The following CSMD3 variants were observed in gnomAD, a reference collection of about 807,000 sequenced individuals.
The protein encoded by CSMD3 is CUB and Sushi multiple domains 3, also known as CUB and sushi domain-containing protein 3.
CSMD3 carries 177 observed loss-of-function variants against 435.2 expected under a neutral mutation model. The observed-to-expected ratio is 0.41, with a 90% confidence interval of 0.36 to 0.46. The LOEUF (loss-of-function observed/expected upper bound fraction) is 0.46, where lower values mean the gene tolerates loss of function less well. Ranked by LOEUF, CSMD3 falls within the 20% of genes least tolerant of loss-of-function variation. The probability of loss-of-function intolerance (pLI) is 0.34; values close to 1 mark genes in which losing one functional copy is unlikely to be tolerated. For synonymous variants in CSMD3, 1,656 were observed against 1,520.5 expected, an observed-to-expected ratio of 1.09 and a Z score of -2.07; for missense variants, 4,265 against 4,504.6, an observed-to-expected ratio of 0.95 and a Z score of 1.52.
chr8:113,235,854 G>A (rs1242850328), intron 3 of CSMD3, among the ~76,000 whole-genome samples: 2 of 138,506 alleles, frequency 1.4e-5, no homozygotes, highest in Non-Finnish European at 3.1e-5. Context: ...TTTTTGCAAG[G>A]TTAGTAACCC....
intron 5 of CSMD3, among the ~76,000 whole-genome samples, chr8:113,080,138 A>T (rs543983215): frequency 1.3e-5 from 2 of 152,242 alleles, no homozygotes; most frequent in East Asian, 3.9e-4. Flanking sequence ...ATACTGAGTG[A>T]TGTTTGATGA....
At chr8:113,123,139 T>A (rs1368464584) in intron 4 of CSMD3, among the ~76,000 whole-genome samples, 1 of 152,072 alleles carries the variant, frequency 6.6e-6, no homozygotes, top group Non-Finnish European at 1.5e-5. Flanking sequence ...AAGGTATGGT[T>A]AGTGGCCTCT....
intron 6 of CSMD3, among the ~76,000 whole-genome samples, chr8:112,994,845 T>G (rs2085586725): frequency 6.6e-6 from 1 of 151,606 alleles, no homozygotes; most frequent in Non-Finnish European, 1.5e-5. Flanking sequence ...ATGGAGAATG[T>G]TGACTCAGCC....
chr8:113,019,641 T>C (rs2086610635), intron 5 of CSMD3, among the ~76,000 whole-genome samples: 1 of 149,350 alleles, frequency 6.7e-6, no homozygotes, highest in Admixed American at 6.8e-5. Flanking sequence ...GTGCTTCTCA[T>C]ATATGTATTG....
rs141732156 is a variant in CSMD3, at chr8:112,579,560, T to C, written c.3886-5903A>G. 3.5e-3 allele frequency among the ~76,000 whole-genome samples: 539 copies of C among 152,140 alleles called. 2 individuals are homozygous for C. The highest frequency in any genetic ancestry group is 0.012 in the African/African-American group (518 of 41,550). ...TGTATTGCTCTTGTTTTTAATATAA[T>C]TTAAGTTAATTTAATTGTAGTTTAA... On this transcript the variant is annotated intron_variant, in intron 23 of 70. Coordinates refer to ENST00000297405, the MANE Select transcript of CSMD3 (RefSeq NM_198123.2).
chr8:112,888,600 C>T (rs1337366829), intron 10 of CSMD3, among the ~76,000 whole-genome samples: 2 of 151,640 alleles, frequency 1.3e-5, no homozygotes, highest in African/African-American at 4.8e-5. Flanking sequence ...CTACAGAAAC[C>T]TCCAATGAAA....
rs1296055349 is a variant in CSMD3, at chr8:113,030,434, A to G, written c.918-11255T>C. Reference sequence around the variant, plus strand: ...GGTACTGGTAAAAAAAAAAAAAAAAAAAAAAAAAAAAGATAAGCATGTAGG... The same window carrying G: ...GGTACTGGTAAAAAAAAAAAAAAAAGAAAAAAAAAAAGATAAGCATGTAGG... On this transcript the variant is annotated intron_variant, in intron 5 of 70. Coordinates refer to ENST00000297405, the MANE Select transcript of CSMD3 (RefSeq NM_198123.2). Among the ~76,000 whole-genome samples, 9 of 148,722 alleles carry G rather than the reference A, an allele frequency of 6.1e-5. 1 individual carries two copies. Among genetic ancestry groups the G allele is most frequent in the African/African-American group, 2.0e-4 (8 of 40,480 alleles).
intron 3 of CSMD3, among the ~76,000 whole-genome samples, chr8:113,259,443 A>G (rs1026464091): frequency 2.0e-5 from 3 of 152,168 alleles, no homozygotes; most frequent in Admixed American, 2.0e-4. Flanking sequence ...AGCTTGAACA[A>G]TAAGAATTTA....
chr8:113,191,445 C>A (rs2092583290), intron 3 of CSMD3, among the ~76,000 whole-genome samples: 1 of 151,598 alleles, frequency 6.6e-6, no homozygotes, highest in South Asian at 2.1e-4. Flanking sequence ...ATCTTTATAT[C>A]CACGTCTATT....
chr8:112,653,880 G>C (rs2075192559), intron 18 of CSMD3, among the ~76,000 whole-genome samples: 1 of 151,978 alleles, frequency 6.6e-6, no homozygotes, highest in Admixed American at 6.6e-5. Flanking sequence ...GGCTGGTCTT[G>C]AACTCCTGAC....
intron 3 of CSMD3, among the ~76,000 whole-genome samples, chr8:113,235,704 G>A (rs1020622214): frequency 7.2e-5 from 11 of 152,088 alleles, no homozygotes; most frequent in Non-Finnish European, 1.3e-4. Context: ...AGATTGAATG[G>A]GGAAAATCTG....
At chr8:113,013,921 T>G (rs2086355557) in intron 6 of CSMD3, among the ~76,000 whole-genome samples, 1 of 152,142 alleles carries the variant, frequency 6.6e-6, no homozygotes, top group South Asian at 2.1e-4. Flanking sequence ...TGTGTTTGTG[T>G]GAGGTCAGAA....
chr8:112,421,801 T>C (rs1397391621), intron 32 of CSMD3, among the ~76,000 whole-genome samples: 1 of 151,354 alleles, frequency 6.6e-6, no homozygotes, highest in Non-Finnish European at 1.5e-5. Context: ...TTTAAATGAA[T>C]AAAAAACATT....
rs1410806563 is a variant in CSMD3, at chr8:113,030,438, A to T, written c.918-11259T>A. The stretch of plus-strand genomic sequence containing the variant: ...CTGGTAAAAAAAAAAAAAAAAAAAA[A>T]AAAAAAAGATAAGCATGTAGGCCAA... On this transcript the variant is annotated intron_variant, in intron 5 of 70. Transcript: ENST00000297405. 2.6e-3 allele frequency among the ~76,000 whole-genome samples: 389 copies of T among 149,450 alleles called. 4 individuals are homozygous for T. Among genetic ancestry groups the T allele is most frequent in the African/African-American group, 8.7e-3 (359 of 41,086 alleles).
intron 13 of CSMD3, among the ~76,000 whole-genome samples, chr8:112,790,125 A>G (rs1384095637): frequency 6.7e-6 from 1 of 148,804 alleles, no homozygotes; most frequent in Non-Finnish European, 1.5e-5. Context: ...TGGGGTTGCA[A>G]TGATGTATAG....
chr8:112,432,318 C>T (rs982175709), intron 32 of CSMD3, among the ~76,000 whole-genome samples: 1 of 151,942 alleles, frequency 6.6e-6, no homozygotes, highest in Non-Finnish European at 1.5e-5. Context: ...ACTTATTTTA[C>T]TTTATTTTAG....
At chr8:113,022,243 A>G (rs1157512479) in intron 5 of CSMD3, among the ~76,000 whole-genome samples, 2 of 151,898 alleles carry the variant, frequency 1.3e-5, no homozygotes, top group African/African-American at 4.9e-5. Flanking sequence ...ATATTCTAAA[A>G]TATAACTTAT....
chr8:112,536,002 A>G (rs1826039798), intron 27 of CSMD3, among the ~76,000 whole-genome samples: 1 of 152,128 alleles, frequency 6.6e-6, no homozygotes, highest in African/African-American at 2.4e-5. Context: ...CCTTCCTTAC[A>G]CCTTATACAA....
At chr8:112,955,926 T>C (rs1026119033) in intron 7 of CSMD3, among the ~76,000 whole-genome samples, 8 of 151,964 alleles carry the variant, frequency 5.3e-5, no homozygotes, top group Non-Finnish European at 1.2e-4. Flanking sequence ...GTTCAAATTA[T>C]GGATATTTAT....
Sources: allele counts gnomAD v4.1 joint callset (sites outside exome capture counted in the v4.1 genomes callset), GRCh38; gene constraint gnomAD v4.1.1; transcripts MANE v1.5; gene names NCBI Gene and HGNC (gene_info 2026-07-23, HGNC 2026-07-21).